ICA1: variants seen among roughly 807,000 people sequenced by gnomAD.
ICA1 encodes 69 kDa islet cell autoantigen.
In ICA1, 40 loss-of-function variants were observed where a neutral mutation model predicts 71.0. That is an observed-to-expected ratio of 0.56 (90% CI 0.44 to 0.73). ICA1 has a LOEUF of 0.73. Among genes scored for constraint, ICA1 ranks in the 30% least tolerant of loss-of-function variants. ICA1 has a pLI of 0.00. For synonymous variants in ICA1, 207 were observed against 209.5 expected, an observed-to-expected ratio of 0.99 and a Z score of 0.10; for missense variants, 578 against 576.5, an observed-to-expected ratio of 1.00 and a Z score of -0.03.
chr7:8,234,505 ATATGAC>A lies in ICA1; in HGVS notation c.17+1399_17+1404del, dbSNP rs3840616. 0.36 allele frequency among the ~76,000 whole-genome samples: 54,518 copies of A among 151,628 alleles called. 9,999 individuals carry two copies. Among genetic ancestry groups the A allele is most frequent in the Non-Finnish European group, 0.41 (27,510 of 67,784 alleles). On this transcript the variant is annotated intron_variant, in intron 2 of 13. Transcript: ENST00000402384. The surrounding 1 kb of genome is among the most constrained non-coding windows in gnomAD (Gnocchi z 4.5). ...CTTGTGCTGAAACGTGAGTTTGTTT[ATATGAC>A]TATATCAAAATACCAGTATCTCAAA...
intron 6 of ICA1, among the ~76,000 whole-genome samples, chr7:8,187,997 G>C (rs1429340891): frequency 6.6e-6 from 1 of 152,188 alleles, no homozygotes; most frequent in Non-Finnish European, 1.5e-5. Context: ...CTACGAAGTG[G>C]GGAAGCCACA....
chr7:8,158,079 T>C (rs1221140468), intron 7 of ICA1, among the ~76,000 whole-genome samples: 1 of 152,136 alleles, frequency 6.6e-6, no homozygotes, highest in East Asian at 1.9e-4. Context: ...TGCAGTGTTA[T>C]CCGGAAGGAA....
Position 8,127,963 on chromosome 7 carries a change from C to T in ICA1, c.1240G>A (p.Glu414Lys), listed in dbSNP as rs1200952454. Residue 414 changes from glutamate to lysine, a missense_variant, in exon 13 of 14, where the codon GAG becomes AAG. By Grantham distance (56) the Glu-to-Lys change is moderately conservative. Transcript: ENST00000402384. ...KEPVPTMALG[E>K]PDPKAQTGSG... is the part of the protein sequence containing the mutation. ...CCTGTCTGGGCCTTGGGGTCTGGCT[C>T]TCCCAGGGCCATAGTGGGCACTGGC... is the stretch of plus-strand genomic sequence containing the variant. The T allele has an allele frequency of 6.2e-7, 1 of 1,614,094 alleles. No homozygotes were observed. Among genetic ancestry groups the T allele is most frequent in the African/African-American group, 1.3e-5 (1 of 74,934 alleles).
intron 6 of ICA1, among the ~76,000 whole-genome samples, chr7:8,196,276 T>A (rs2882042): frequency 0.46 from 70,333 of 152,102 alleles, 20,182 homozygotes; most frequent in South Asian, 0.72. Flanking sequence ...TGCTATATGA[T>A]TCCAATTATA....
rs1338530559 is a variant in ICA1, at chr7:8,222,873, T to C, written c.257-1475A>G. ...TTGTGTGACTGGGCATGTGTCTCTC[T>C]TCCCCAGGGGGCTCTAAGCTTTCCA... On this transcript the variant is annotated intron_variant, in intron 4 of 13. Transcript: ENST00000402384. This position sits in a 1 kb window ranked among gnomAD's most constrained non-coding sequence, Gnocchi z 4.8. Among the ~76,000 whole-genome samples, 1 of 152,194 alleles carries C rather than the reference T, an allele frequency of 6.6e-6. No homozygotes were observed. The highest frequency in any genetic ancestry group is 1.5e-5 in the Non-Finnish European group (1 of 68,032).
At chr7:8,146,591 C>G (rs1032144705) in intron 8 of ICA1, among the ~76,000 whole-genome samples, 1 of 151,976 alleles carries the variant, frequency 6.6e-6, no homozygotes, top group Non-Finnish European at 1.5e-5. Flanking sequence ...GCTGCTGCAG[C>G]CTGCACTGGA....
intron 6 of ICA1, among the ~76,000 whole-genome samples, chr7:8,213,061 A>G (rs1189005580): frequency 6.6e-6 from 1 of 152,218 alleles, no homozygotes; most frequent in Non-Finnish European, 1.5e-5. Flanking sequence ...TGGCAGCTAG[A>G]GTCAATCTAC....
chr7:8,169,791 G>T (rs966507295), intron 6 of ICA1, among the ~76,000 whole-genome samples: 8 of 151,616 alleles, frequency 5.3e-5, no homozygotes, highest in Admixed American at 1.3e-4. Context: ...GTCTGAACTT[G>T]CCTTTCATTT....
intron 8 of ICA1, among the ~76,000 whole-genome samples, chr7:8,148,245 G>A (rs1797709026): frequency 6.6e-6 from 1 of 152,158 alleles, no homozygotes; most frequent in Admixed American, 6.5e-5. Context: ...CACCCGGTGA[G>A]CCCACGGTAT....
intron 6 of ICA1, among the ~76,000 whole-genome samples, chr7:8,186,999 C>T (rs953551446): frequency 2.0e-5 from 3 of 152,180 alleles, no homozygotes; most frequent in African/African-American, 7.2e-5. Context: ...ATATGGACCA[C>T]ACTCAGTTCT....
chr7:8,202,396 G>A (rs1426036139), intron 6 of ICA1, among the ~76,000 whole-genome samples: 2 of 152,160 alleles, frequency 1.3e-5, no homozygotes, highest in African/African-American at 2.4e-5. Context: ...GTTTTAACGA[G>A]CCCATTCATG....
intron 6 of ICA1, among the ~76,000 whole-genome samples, chr7:8,202,966 T>G (rs1314090676): frequency 6.6e-6 from 1 of 152,228 alleles, no homozygotes; most frequent in African/African-American, 2.4e-5. Flanking sequence ...AGAGTGCTCC[T>G]GGCAAATTCC....
chr7:8,136,373 G>C (rs528949566), intron 12 of ICA1, among the ~76,000 whole-genome samples: 1 of 152,152 alleles, frequency 6.6e-6, no homozygotes, highest in Non-Finnish European at 1.5e-5. Flanking sequence ...ACTGTTTAAT[G>C]TCGTGCATAT....
chr7:8,235,056 C>T (rs375643470), intron 2 of ICA1, among the ~76,000 whole-genome samples: 17 of 151,702 alleles, frequency 1.1e-4, no homozygotes, highest in African/African-American at 2.4e-4. Flanking sequence ...CCCAGCTACT[C>T]GGGAGGCTGA....
At chr7:8,244,631 A>G (rs1045850270) in intron 1 of ICA1, among the ~76,000 whole-genome samples, 2 of 152,210 alleles carry the variant, frequency 1.3e-5, no homozygotes, top group Non-Finnish European at 2.9e-5. Flanking sequence ...AACCTACACA[A>G]TGGGAGAAAA....
intron 1 of ICA1, among the ~76,000 whole-genome samples, chr7:8,259,475 T>C (rs1378631922): frequency 5.3e-5 from 8 of 152,226 alleles, no homozygotes; most frequent in Non-Finnish European, 1.2e-4. Context: ...CAAATTGAAA[T>C]ACACTTCCTA....
Position 8,113,731 on chromosome 7 carries a change from G to A in ICA1, c.*192C>T. On this transcript the variant is annotated 3_prime_UTR_variant, in exon 14 of 14. Coordinates refer to ENST00000402384, the MANE Select transcript of ICA1 (RefSeq NM_001136020.3). This position sits in a 1 kb window ranked among gnomAD's most constrained non-coding sequence, Gnocchi z 4.2. ...ATCCTGTATTATTTAGATCCACATA[G>A]AGATACACGAAAACCCTTTATACCA... 1.7e-6 allele frequency: 1 copy of A among 573,276 alleles called. No homozygotes were observed. Among genetic ancestry groups the A allele is most frequent in the South Asian group, 2.1e-5 (1 of 47,650 alleles). The allele number at this position is 573,276 out of a possible 1,614,324, so 35.5% of individuals were successfully genotyped here.
At chr7:8,192,222 A>G (rs900348541) in intron 6 of ICA1, among the ~76,000 whole-genome samples, 1 of 152,210 alleles carries the variant, frequency 6.6e-6, no homozygotes, top group African/African-American at 2.4e-5. Flanking sequence ...ATAACAAAAG[A>G]AAATCTAAAA....
At chr7:8,116,646 G>C (rs1784887901) in intron 13 of ICA1, 1 of 152,146 alleles carries the variant, frequency 6.6e-6, no homozygotes, top group South Asian at 2.1e-4. Flanking sequence ...TATCAGTGGT[G>C]CTCTAAGGAA....
Sources: gnomAD v4.1 joint callset for allele counts (sites outside exome capture counted in the v4.1 genomes callset) on GRCh38, gnomAD v4.1.1 for gene constraint, Gnocchi (gnomAD v3.1) non-coding constraint, MANE v1.5 for transcripts, NCBI Gene and HGNC (gene_info 2026-07-23, HGNC 2026-07-21) for gene names.